Variants in SLC24A2 observed in about 807,000 individuals in gnomAD.
SLC24A2 encodes the protein solute carrier family 24 member 2, also known as sodium/potassium/calcium exchanger 2.
A neutral mutation model predicts 62.0 loss-of-function variants in SLC24A2; 36 were observed. The observed-to-expected ratio is 0.58, with a 90% CI of 0.44 to 0.77. The LOEUF is 0.77. SLC24A2 is among the 30% of genes least tolerant of loss of function. The probability of loss-of-function intolerance (pLI) is 0.00; values close to 1 mark genes in which losing one functional copy is unlikely to be tolerated. For missense variants in SLC24A2, 846 were observed against 817.9 expected (o/e 1.03, Z -0.42); for synonymous variants, 358 against 294.0 (o/e 1.22, Z -2.23).
chr9:20,275,235 T>C, the SLC24A2 span, among the ~76,000 whole-genome samples: 8,113 of 152,102 alleles, frequency 0.053, 672 homozygotes, highest in African/African-American at 0.18. Context: ...AGAGAAGACC[T>C]GCAGAGAAAA....
the SLC24A2 span, among the ~76,000 whole-genome samples, chr9:20,126,697 G>C: frequency 5.3e-5 from 8 of 152,074 alleles, no homozygotes; most frequent in African/African-American, 1.9e-4. Context: ...ATCCACCACT[G>C]ATCTTTGTGT....
Position 19,535,274 on chromosome 9 carries a change from T to A in SLC24A2, c.1480-7136A>T, listed in dbSNP as rs192085036. Among the ~76,000 whole-genome samples, 133 of 152,344 alleles carry A rather than the reference T, an allele frequency of 8.7e-4. 2 individuals carry two copies. Among genetic ancestry groups the A allele is most frequent in the African/African-American group, 3.1e-3 (127 of 41,578 alleles). ...TTAGCCGTTTGTCAGATGGATAGAT[T>A]GCAAAATTTTTCTCCCATTCTGTAG... On this transcript the variant is annotated intron_variant, in intron 8 of 10. Transcript: ENST00000341998.
the SLC24A2 span, among the ~76,000 whole-genome samples, chr9:20,105,118 T>A: frequency 6.6e-6 from 1 of 152,012 alleles, no homozygotes; most frequent in Non-Finnish European, 1.5e-5. Context: ...TACATAATGG[T>A]AAAGGGATCA....
chr9:19,783,206 C>G (rs1236319203), intron 2 of SLC24A2, among the ~76,000 whole-genome samples: 1 of 152,064 alleles, frequency 6.6e-6, no homozygotes, highest in Non-Finnish European at 1.5e-5. Context: ...TGCCTAGAGC[C>G]CAGCAGAGTT....
chr9:20,290,512 G>T, the SLC24A2 span, among the ~76,000 whole-genome samples: 6 of 152,230 alleles, frequency 3.9e-5, no homozygotes, highest in East Asian at 1.2e-3. Flanking sequence ...GGTCTGTAGA[G>T]GCATGTGTGA....
At chr9:19,707,332 G>A (rs1283134671) in intron 2 of SLC24A2, among the ~76,000 whole-genome samples, 4 of 152,198 alleles carry the variant, frequency 2.6e-5, no homozygotes, top group Non-Finnish European at 5.9e-5. Flanking sequence ...GAGGTACAAG[G>A]AGGAGCTGGT....
chr9:19,729,252 T>C (rs1221163455), intron 2 of SLC24A2, among the ~76,000 whole-genome samples: 1 of 152,138 alleles, frequency 6.6e-6, no homozygotes, highest in Non-Finnish European at 1.5e-5. Flanking sequence ...TGGTAGTGAC[T>C]CTTATACACT....
chr9:19,803,507 G>T, the SLC24A2 span, among the ~76,000 whole-genome samples: 9 of 152,244 alleles, frequency 5.9e-5, no homozygotes, highest in African/African-American at 2.2e-4. Context: ...TAGGGAGAAA[G>T]TCTGGAGTTT....
At chr9:19,980,553 A>G in the SLC24A2 span, among the ~76,000 whole-genome samples, 1 of 151,858 alleles carries the variant, frequency 6.6e-6, no homozygotes, top group African/African-American at 2.4e-5. Flanking sequence ...TCCATCACCC[A>G]TTTTACTCAA....
intron 7 of SLC24A2, among the ~76,000 whole-genome samples, chr9:19,563,179 A>ATC (rs772298208): frequency 1.4e-4 from 17 of 123,072 alleles, no homozygotes; most frequent in Admixed American, 8.2e-4. Flanking sequence ...CAGCTTTGGC[A>ATC]TCTCTCCCCC....
At chr9:20,040,274 A>C in the SLC24A2 span, among the ~76,000 whole-genome samples, 1 of 152,230 alleles carries the variant, frequency 6.6e-6, no homozygotes, top group Non-Finnish European at 1.5e-5. Context: ...TTGTTGTAAT[A>C]AATAGAACAA....
chr9:19,556,169 C>T (rs756095853), intron 7 of SLC24A2, among the ~76,000 whole-genome samples: 7 of 152,140 alleles, frequency 4.6e-5, no homozygotes, highest in Non-Finnish European at 8.8e-5. Context: ...ATGGGAGGTA[C>T]AGCAGTAGCT....
chr9:19,857,974 A>G, the SLC24A2 span, among the ~76,000 whole-genome samples: 492 of 152,296 alleles, frequency 3.2e-3, 5 homozygotes, highest in African/African-American at 0.01. Flanking sequence ...ACTACTAATG[A>G]CATTCTTCTG....
chr9:20,073,832 C>G, the SLC24A2 span, among the ~76,000 whole-genome samples: 1 of 149,754 alleles, frequency 6.7e-6, no homozygotes, highest in South Asian at 2.1e-4. Context: ...AATACTAATA[C>G]AAACTTCATA....
chr9:20,100,565 G>A, the SLC24A2 span, among the ~76,000 whole-genome samples: 1 of 152,124 alleles, frequency 6.6e-6, no homozygotes, highest in African/African-American at 2.4e-5. Context: ...AAGATGGAAG[G>A]CTTTCATCAA....
the SLC24A2 span, among the ~76,000 whole-genome samples, chr9:20,139,224 T>C: frequency 2.0e-5 from 3 of 152,184 alleles, no homozygotes; most frequent in Admixed American, 6.5e-5. Context: ...CTGTCTATTA[T>C]GTAGTGATTA....
At chr9:19,848,477 A>C in the SLC24A2 span, among the ~76,000 whole-genome samples, 1 of 152,206 alleles carries the variant, frequency 6.6e-6, no homozygotes. Context: ...CACATATAGC[A>C]GTGTACGTAA....
At chr9:20,099,492 G>C in the SLC24A2 span, among the ~76,000 whole-genome samples, 1 of 152,076 alleles carries the variant, frequency 6.6e-6, no homozygotes, top group African/African-American at 2.4e-5. Flanking sequence ...CGTTCTTATA[G>C]TTGTAATGAA....
the SLC24A2 span, among the ~76,000 whole-genome samples, chr9:19,986,208 T>TA: frequency 6.6e-6 from 1 of 151,976 alleles, no homozygotes; most frequent in African/African-American, 2.4e-5. Flanking sequence ...GAAATACAAG[T>TA]AAAAACTACA....
Sources: gnomAD v4.1 joint callset for allele counts (sites outside exome capture counted in the v4.1 genomes callset) on GRCh38, gnomAD v4.1.1 for gene constraint, MANE v1.5 for transcripts, NCBI Gene and HGNC (gene_info 2026-07-23, HGNC 2026-07-21) for gene names.